Variants in UTY observed in about 807,000 individuals in gnomAD.
UTY encodes the protein histone demethylase UTY.
In UTY, 12 loss-of-function variants were observed where a neutral mutation model predicts 32.5. That is an observed-to-expected ratio of 0.37 (90% CI 0.24 to 0.60). The LOEUF is 0.60. Among genes scored for constraint, UTY ranks in the 20% least tolerant of loss-of-function variants. The pLI is 0.69. For synonymous variants in UTY, 131 were observed against 103.4 expected (o/e 1.27, Z -1.62); for missense variants, 303 against 299.2 (o/e 1.01, Z -0.09).
At chrY:13,287,491 T>C in intron 27 of UTY, 1 of 161,857 alleles carries the variant, frequency 6.2e-6, no homozygotes, top group Non-Finnish European at 1.1e-5. Flanking sequence ...CCACTCCTCC[T>C]ACCACCGAAG....
chrY:13,266,741 A>G (rs996348431), intron 27 of UTY, among the ~76,000 whole-genome samples: 2 of 32,656 alleles, frequency 6.1e-5, no homozygotes. Context: ...GAACTTCTTT[A>G]TTTTTTTCCT....
intron 17 of UTY, among the ~76,000 whole-genome samples, chrY:13,346,442 C>T (rs2061907218): frequency 3.0e-5 from 1 of 33,493 alleles, no homozygotes; most frequent in African/African-American, 1.2e-4. Flanking sequence ...CCTATATCAG[C>T]TGAAAACCTG....
At chrY:13,277,471 A>C in intron 27 of UTY, among the ~76,000 whole-genome samples, 1 of 33,339 alleles carries the variant, frequency 3.0e-5, no homozygotes, top group East Asian at 7.9e-4. Context: ...TTGACACAAT[A>C]TTTTTTAAAA....
intron 27 of UTY, among the ~76,000 whole-genome samples, chrY:13,284,615 G>A (rs918830724): frequency 3.0e-5 from 1 of 33,844 alleles, no homozygotes; most frequent in Non-Finnish European, 7.4e-5. Flanking sequence ...TAATATAAAG[G>A]TAAAATTCAG....
At chrY:13,325,085 T>C (rs746127588) in intron 19 of UTY, among the ~76,000 whole-genome samples, 28 of 33,857 alleles carry the variant, frequency 8.3e-4, no homozygotes, top group Admixed American at 2.8e-3. Context: ...TTATCTTCTA[T>C]TGCTTCTTAA....
Position 13,359,807 on chromosome Y carries a change from C to G in UTY, c.1145G>C (p.Ser382Thr), listed in dbSNP as rs1350928280. 2.5e-6 allele frequency: 1 copy of G among 398,200 alleles called. No homozygotes were observed. Residue 382 changes from serine to threonine, a missense_variant, in exon 12 of 30, where the codon AGT becomes ACT. Ser to Thr is a moderately conservative substitution (Grantham distance 58). Transcript: ENST00000545955. ...TCTTGCAGCAAGCGTAGAGGTATTA[C>G]TACAACGTTTGCTTCTAGCTGCATT... ...YLNAARSKRC[S>T]NTSTLAARIK... is the part of the protein sequence containing the mutation.
At chrY:13,344,155 C>G in intron 17 of UTY, among the ~76,000 whole-genome samples, 1 of 33,530 alleles carries the variant, frequency 3.0e-5, no homozygotes, top group Non-Finnish European at 7.4e-5. Context: ...AACTACTCCT[C>G]TAATGAAAAG....
chrY:13,343,317 C>T (rs920565936), intron 17 of UTY, among the ~76,000 whole-genome samples: 2 of 32,186 alleles, frequency 6.2e-5, no homozygotes, highest in Non-Finnish European at 1.5e-4. Context: ...GTGCCCCATA[C>T]GATCGTCACC....
rs2061020843 is a variant in UTY, at chrY:13,335,689, A to G, written c.2708T>C (p.Leu903Pro). The part of the protein sequence containing the change: ...SGLHTVNGEG[L>P]GKSQSSTKVD... ...TTTTGTAGAGCTCTGTGACTTCCCC[A>G]GCCCCTCTCCATTGACTGTGTGTAA... Residue 903 changes from leucine (L) to proline (P), a missense_variant, in exon 18 of 30, where the codon CTG becomes CCG. By Grantham distance (98) the Leu-to-Pro change is moderately conservative. Transcript: ENST00000545955. The G allele has an allele frequency of 2.5e-6, 1 of 397,101 alleles. No individual in the cohort carries two copies. The highest frequency in any genetic ancestry group is 7.6e-5 in the Admixed American group (1 of 13,241).
At chrY:13,333,104 G>A in intron 18 of UTY, among the ~76,000 whole-genome samples, 1 of 33,350 alleles carries the variant, frequency 3.0e-5, no homozygotes, top group South Asian at 6.6e-4. Flanking sequence ...TGGAAAAACA[G>A]TCCATGCTCA....
At chrY:13,343,722 G>C (rs868379198) in intron 17 of UTY, among the ~76,000 whole-genome samples, 2 of 32,923 alleles carry the variant, frequency 6.1e-5, no homozygotes, top group Admixed American at 2.7e-4. Flanking sequence ...TGAATCTAGT[G>C]GCTGAAGCCT....
chrY:13,431,864 C>T (rs2074050992), intron 4 of UTY, among the ~76,000 whole-genome samples: 1 of 33,385 alleles, frequency 3.0e-5, no homozygotes, highest in Non-Finnish European at 7.4e-5. Context: ...TCACAGAAGA[C>T]GTGAACGTAC....
chrY:13,291,588 T>C, intron 27 of UTY, among the ~76,000 whole-genome samples: 2 of 32,873 alleles, frequency 6.1e-5, no homozygotes, highest in Admixed American at 5.5e-4. Context: ...GAAAAATAGC[T>C]AATGCATGCT....
In UTY at chrY:13,336,136, C is replaced by A; in HGVS notation, c.2261G>T (p.Gly754Val). 2 of 398,588 alleles carry A rather than the reference C, an allele frequency of 5.0e-6. No individual in the cohort carries two copies. Among genetic ancestry groups the A allele is most frequent in the East Asian group, 1.8e-4 (2 of 10,853 alleles). ...TTTGGTAAACATAATGCCTTGTTGTCCACCTGAGGTAGCAGTATGACAGGA... is the reference window on the plus strand; with the variant it reads ...TTTGGTAAACATAATGCCTTGTTGTACACCTGAGGTAGCAGTATGACAGGA... ...HLSCHTATSG[G>V]QQGIMFTKES... Residue 754 changes from glycine (G) to valine (V), a missense_variant, in exon 18 of 30, where the codon GGA (glycine) becomes GTA (valine). Gly to Val is a moderately radical substitution (Grantham distance 109). Coordinates refer to ENST00000545955, the MANE Select transcript of UTY (RefSeq NM_001258249.2).
intron 29 of UTY, 88 bp from the exon 30 acceptor site, chrY:13,249,970 G>A: frequency 9.5e-6 from 1 of 104,923 alleles, no homozygotes. Flanking sequence ...TTTATGAAGT[G>A]AGTTTACAAG....
At position 13,360,448 on chromosome Y, in the gene UTY, T is replaced by G; in HGVS notation, c.947A>C (p.Asp316Ala). 1 of 397,872 alleles carries G rather than the reference T, an allele frequency of 2.5e-6. No individual in the cohort carries two copies. Among genetic ancestry groups the G allele is most frequent in the Non-Finnish European group, 3.5e-6 (1 of 283,074 alleles). ...QSIDKSEASA[D>A]TWCSIGVLYQ... is the part of the protein sequence containing the mutation. ...GCCTTACCCTATTGAACACCATGTA[T>G]CTGCACTTGCTTCTGATTTATCAAT... is the stretch of plus-strand genomic sequence containing the variant. The change falls in exon 11 of 30, where the codon GAT becomes GCT. Residue 316 changes from aspartate (D) to alanine (A), a missense_variant. Transcript: ENST00000545955.
chrY:13,350,212 A>T, intron 17 of UTY, among the ~76,000 whole-genome samples: 1 of 33,937 alleles, frequency 2.9e-5, no homozygotes, highest in African/African-American at 1.2e-4. Flanking sequence ...TGAATGAACT[A>T]AGACTCCATG....
chrY:13,357,830 T>C, intron 15 of UTY, 47 bp downstream of exon 15: 1 of 313,600 alleles, frequency 3.2e-6, no homozygotes, highest in Non-Finnish European at 4.8e-6. Context: ...ACATTTACTG[T>C]TTCTACTGCT....
chrY:13,428,637 T>C, intron 4 of UTY, among the ~76,000 whole-genome samples: 1 of 33,890 alleles, frequency 3.0e-5, no homozygotes, highest in African/African-American at 1.2e-4. Context: ...CCTCCAGCTT[T>C]GTTCTTTTTG....
Sources: allele counts gnomAD v4.1 joint callset (sites outside exome capture counted in the v4.1 genomes callset), GRCh38; gene constraint gnomAD v4.1.1; transcripts MANE v1.5; gene names NCBI Gene and HGNC (gene_info 2026-07-23, HGNC 2026-07-21).